Variants in MCC observed in about 807,000 individuals in gnomAD.
MCC encodes the protein colorectal mutant cancer protein.
Under a neutral mutation model 116.2 loss-of-function variants are expected in MCC, and 90 were observed. The ratio of observed to expected loss-of-function variants is 0.77; its 90% CI spans 0.65 to 0.92. The LOEUF is 0.92. Ranked by LOEUF, MCC falls within the 40% of genes least tolerant of loss-of-function variation. The pLI, the probability that MCC is intolerant of heterozygous loss-of-function variation, is 0.00. For synonymous variants in MCC, 578 were observed against 510.5 expected, an observed-to-expected ratio of 1.13 and a Z score of -1.78; for missense variants, 1,516 against 1,312.2, an observed-to-expected ratio of 1.16 and a Z score of -2.40.
intron 1 of MCC, among the ~76,000 whole-genome samples, chr5:113,472,492 G>C (rs115884346): frequency 2.1e-4 from 32 of 152,158 alleles, no homozygotes; most frequent in African/African-American, 7.0e-4. Flanking sequence ...AAGGTCACAA[G>C]TTATAATATA....
intron 1 of MCC, among the ~76,000 whole-genome samples, chr5:113,448,809 A>T (rs1199051142): frequency 6.6e-6 from 1 of 152,254 alleles, no homozygotes; most frequent in African/African-American, 2.4e-5. Context: ...GCCTAAAAAC[A>T]AGGAGGGAAA....
chr5:113,362,361 T>C (rs1046868209), intron 2 of MCC, among the ~76,000 whole-genome samples: 1 of 152,204 alleles, frequency 6.6e-6, no homozygotes, highest in African/African-American at 2.4e-5. Flanking sequence ...TTGTCGAGAC[T>C]TGTTTTATGG....
chr5:113,136,314 C>G (rs1362343078), intron 5 of MCC, among the ~76,000 whole-genome samples: 1 of 151,980 alleles, frequency 6.6e-6, no homozygotes, highest in Non-Finnish European at 1.5e-5. Flanking sequence ...GCTTTTAGAC[C>G]TAGTGATGTA....
chr5:113,144,685 C>T (rs1252266714), intron 4 of MCC, among the ~76,000 whole-genome samples: 1 of 152,184 alleles, frequency 6.6e-6, no homozygotes, highest in Non-Finnish European at 1.5e-5. Flanking sequence ...CATGGTAGGG[C>T]CTGCACCTCA....
Position 113,043,452 on chromosome 5 carries a change from G to A in MCC, c.2756+78C>T. The A allele has an allele frequency of 2.3e-6, 3 of 1,294,854 alleles. No homozygotes were observed. The South Asian group carries it at 3.8e-5, about 16-fold the overall frequency. 80.2% of individuals were successfully genotyped at this position (1,294,854 alleles called of 1,614,324 possible). On this transcript the variant is annotated intron_variant, in intron 17 of 18. Coordinates refer to ENST00000408903, the MANE Select transcript of MCC (RefSeq NM_001085377.2). ...GAACACATCAGCACCTTCTCCTTTT[G>A]GGAGCAGCAAAGAGAACTCAGAACA...
chr5:113,209,187 A>G (rs1256943155), intron 3 of MCC, among the ~76,000 whole-genome samples: 1 of 152,222 alleles, frequency 6.6e-6, no homozygotes, highest in Non-Finnish European at 1.5e-5. Context: ...TGATGCTCTA[A>G]GCAATTCATT....
chr5:113,053,905 C>T lies in MCC; in HGVS notation c.2268G>A (p.Glu756=). 6.2e-7 allele frequency: 1 copy of T among 1,614,078 alleles called. No homozygotes were observed. Among genetic ancestry groups the T allele is most frequent in the Non-Finnish European group, 8.5e-7 (1 of 1,179,982 alleles). ...GCTGGATATAATCCTTCAGCCTCTG[C>T]TCGTCTTCTTTAGTGAACTCGGTGT... is the stretch of plus-strand genomic sequence containing the variant. ...SCDTEFTKED[E]QRLKDYIQQL... is the part of the protein sequence containing the mutation. Residue 756 remains glutamate, a synonymous_variant, in exon 15 of 19, where the codon GAG becomes GAA. Transcript: ENST00000408903.
chr5:113,033,615 C>CGGT (rs1256137416), intron 17 of MCC, among the ~76,000 whole-genome samples: 25 of 152,300 alleles, frequency 1.6e-4, no homozygotes, highest in African/African-American at 5.5e-4. Flanking sequence ...TTCAACACTA[C>CGGT]ACGTTCCATA....
intron 2 of MCC, among the ~76,000 whole-genome samples, chr5:113,365,374 C>T (rs538600855): frequency 7.7e-4 from 117 of 152,324 alleles, no homozygotes; most frequent in African/African-American, 2.7e-3. Flanking sequence ...GTGACCTTTA[C>T]TCTAGTTCCA....
chr5:113,385,683 CAGCTAACTTT>C (rs1769237527), intron 1 of MCC, among the ~76,000 whole-genome samples: 1 of 152,208 alleles, frequency 6.6e-6, no homozygotes, highest in Non-Finnish European at 1.5e-5. Context: ...CTGGACCAAT[CAGCTAACTTT>C]AGTACTTGTT....
At chr5:113,183,098 C>T (rs1314503729) in intron 3 of MCC, among the ~76,000 whole-genome samples, 3 of 152,146 alleles carry the variant, frequency 2.0e-5, no homozygotes, top group Admixed American at 6.5e-5. Flanking sequence ...AGGATTTATA[C>T]CAGGTCCGTG....
intron 14 of MCC, among the ~76,000 whole-genome samples, chr5:113,056,232 G>A (rs1461179811): frequency 6.6e-6 from 1 of 152,112 alleles, no homozygotes; most frequent in African/African-American, 2.4e-5. Context: ...TAAAATGAAG[G>A]TAATCATAGT....
intron 17 of MCC, among the ~76,000 whole-genome samples, chr5:113,038,490 G>T (rs1751469335): frequency 6.6e-6 from 1 of 152,048 alleles, no homozygotes; most frequent in Non-Finnish European, 1.5e-5. Flanking sequence ...ATGGCGCTAG[G>T]AACCAAAAAA....
At chr5:113,424,185 A>ACACACACACACT (rs3067676) in intron 1 of MCC, among the ~76,000 whole-genome samples, 1 of 140,494 alleles carries the variant, frequency 7.1e-6, no homozygotes, top group South Asian at 2.2e-4. Context: ...ACACACACAC[A>ACACACACACACT]TTCTAATCAG....
intron 3 of MCC, among the ~76,000 whole-genome samples, chr5:113,287,334 A>T (rs1311511236): frequency 6.6e-6 from 1 of 151,820 alleles, no homozygotes; most frequent in African/African-American, 2.4e-5. Flanking sequence ...TTCATCAACA[A>T]CTTCTTTTTT....
chr5:113,046,897 A>G (rs1024228851), intron 16 of MCC, among the ~76,000 whole-genome samples: 18 of 152,030 alleles, frequency 1.2e-4, no homozygotes, highest in African/African-American at 4.3e-4. Flanking sequence ...CCCAAACTGT[A>G]TCACATCATC....
chr5:113,145,433 A>C (rs1200145980), intron 4 of MCC, among the ~76,000 whole-genome samples: 1 of 152,080 alleles, frequency 6.6e-6, no homozygotes, highest in Non-Finnish European at 1.5e-5. Flanking sequence ...TTACACACTC[A>C]ATGAGCTCTC....
At chr5:113,357,137 A>T (rs6594704) in intron 2 of MCC, among the ~76,000 whole-genome samples, 69,805 of 152,032 alleles carry the variant, frequency 0.46, 17,406 homozygotes, top group African/African-American at 0.65. Context: ...GGGATAATAA[A>T]GTGTACTTTC....
chr5:113,272,235 T>A (rs1373932378), intron 3 of MCC, among the ~76,000 whole-genome samples: 1 of 152,196 alleles, frequency 6.6e-6, no homozygotes, highest in African/African-American at 2.4e-5. Flanking sequence ...CCTCATCATG[T>A]CAGGCACACA....
Sources: gnomAD v4.1 joint callset for allele counts (sites outside exome capture counted in the v4.1 genomes callset) on GRCh38, gnomAD v4.1.1 for gene constraint, MANE v1.5 for transcripts, NCBI Gene and HGNC (gene_info 2026-07-23, HGNC 2026-07-21) for gene names.